COL15A1: variants seen among roughly 807,000 people sequenced by gnomAD.
COL15A1 encodes collagen alpha-1(XV) chain.
In COL15A1, 111 loss-of-function variants were observed where a neutral mutation model predicts 165.9. The observed-to-expected ratio is 0.67, with a 90% confidence interval of 0.57 to 0.78. COL15A1 has a LOEUF of 0.78. Ranked by LOEUF, COL15A1 falls within the 30% of genes least tolerant of loss-of-function variation. The pLI is 0.00. For missense variants in COL15A1, 1,745 were observed against 1,789.7 expected (o/e 0.98, Z 0.45); for synonymous variants, 659 against 674.8 (o/e 0.98, Z 0.36).
chr9:99,044,582 G>T lies in COL15A1; in HGVS notation c.2589G>T (p.Glu863Asp). The T allele has an allele frequency of 6.2e-7, 1 of 1,614,114 alleles. No homozygotes were observed. Among genetic ancestry groups the T allele is most frequent in the Non-Finnish European group, 8.5e-7 (1 of 1,180,036 alleles). Residue 863 changes from glutamate (E) to aspartate (D), a missense_variant, in exon 25 of 42, where the codon GAG becomes GAT. Physicochemically the swap from Glu to Asp is conservative, Grantham distance 45. Transcript: ENST00000375001. ...CTGAATTGCAGGGCGAGAAGGGAGA[G>T]CCGGGTGCCATCCTGACAGAGGACA... The part of the protein sequence containing the change: ...GLKGEQGEKG[E>D]PGAILTEDIP...
intron 11 of COL15A1, among the ~76,000 whole-genome samples, chr9:99,019,947 T>A (rs1382893782): frequency 6.6e-6 from 1 of 152,142 alleles, no homozygotes; most frequent in Non-Finnish European, 1.5e-5. Flanking sequence ...ACAACCACTG[T>A]CTTCAGACGG....
In COL15A1 at chr9:99,015,570, A is replaced by G. The variant is rs1183177133; in HGVS notation, c.1503+4A>G. On this transcript the variant is annotated splice_donor_region_variant and intron_variant, in intron 10 of 41. Coordinates refer to ENST00000375001, the MANE Select transcript of COL15A1 (RefSeq NM_001855.5). ...CCCTGAGCGGGCAGTCACTTCTGTAAGTGTCATCTTGTGTCCTCTCTGGCT... is the reference window on the plus strand; with the variant it reads ...CCCTGAGCGGGCAGTCACTTCTGTAGGTGTCATCTTGTGTCCTCTCTGGCT... The G allele has an allele frequency of 1.2e-6, 2 of 1,613,154 alleles. No individual in the cohort carries two copies. Among genetic ancestry groups the G allele is most frequent in the East Asian group, 2.2e-5 (1 of 44,900 alleles).
chr9:98,952,680 C>G (rs936753019), intron 2 of COL15A1, among the ~76,000 whole-genome samples: 16 of 152,202 alleles, frequency 1.1e-4, no homozygotes, highest in Non-Finnish European at 1.8e-4. Flanking sequence ...AGCCACCACA[C>G]TTGGCCAGAT....
intron 9 of COL15A1, among the ~76,000 whole-genome samples, chr9:99,008,901 C>T (rs11515536): frequency 0.14 from 20,762 of 152,232 alleles, 1,431 homozygotes; most frequent in East Asian, 0.25. Context: ...TGAGCCACTG[C>T]GCCTGGCTAC....
intron 22 of COL15A1, 111 bp from the exon 23 acceptor site, chr9:99,040,410 C>T: frequency 6.4e-7 from 1 of 1,567,968 alleles, no homozygotes; most frequent in South Asian, 1.1e-5. Flanking sequence ...TCCGTCTTCC[C>T]AGCTGTGGGA....
intron 22 of COL15A1, among the ~76,000 whole-genome samples, chr9:99,038,989 T>C (rs1839353849): frequency 6.6e-6 from 1 of 152,244 alleles, no homozygotes; most frequent in Non-Finnish European, 1.5e-5. Flanking sequence ...TAGAGAATGC[T>C]AAGTAACAAA....
intron 31 of COL15A1, among the ~76,000 whole-genome samples, chr9:99,053,655 C>T (rs757751656): frequency 1.8e-4 from 27 of 152,218 alleles, no homozygotes; most frequent in South Asian, 8.3e-4. Flanking sequence ...GGCCCCACTG[C>T]GCAGGTCATT....
chr9:98,962,930 G>A (rs1837886328), intron 2 of COL15A1, among the ~76,000 whole-genome samples: 1 of 152,214 alleles, frequency 6.6e-6, no homozygotes, highest in Non-Finnish European at 1.5e-5. Context: ...TGTACAGCAG[G>A]TGCTCAATAA....
At chr9:98,971,348 C>G (rs569170378) in intron 2 of COL15A1, among the ~76,000 whole-genome samples, 17 of 152,298 alleles carry the variant, frequency 1.1e-4, no homozygotes, top group African/African-American at 3.8e-4. Flanking sequence ...GCTGAGCCCT[C>G]CAGAGCTGCC....
At chr9:99,026,934 C>T (rs1839136320) in intron 16 of COL15A1, among the ~76,000 whole-genome samples, 1 of 152,204 alleles carries the variant, frequency 6.6e-6, no homozygotes, top group South Asian at 2.1e-4. Context: ...TAGCACAAGC[C>T]TCTATTAGTG....
At chr9:99,010,845 A>G (rs1838837243) in intron 9 of COL15A1, among the ~76,000 whole-genome samples, 2 of 152,246 alleles carry the variant, frequency 1.3e-5, no homozygotes, top group East Asian at 1.9e-4. Flanking sequence ...CATAGGAATT[A>G]TTTAGATAAA....
intron 7 of COL15A1, 61 bp downstream of exon 7, chr9:99,001,012 C>T: frequency 1.2e-6 from 1 of 820,180 alleles, no homozygotes; most frequent in Non-Finnish European, 2.1e-6. Flanking sequence ...TTATTTCAAA[C>T]TTGGTGATGA....
chr9:99,047,872 G>C (rs754735099), intron 27 of COL15A1, 33 bp downstream of exon 27: 29 of 1,612,648 alleles, frequency 1.8e-5, no homozygotes, highest in Non-Finnish European at 2.4e-5. Flanking sequence ...CAGGCTGGAG[G>C]GGGAGGACAC....
intron 6 of COL15A1, among the ~76,000 whole-genome samples, chr9:98,999,094 C>T (rs1195002838): frequency 6.6e-6 from 1 of 152,230 alleles, no homozygotes; most frequent in Admixed American, 6.5e-5. Context: ...GTGCTGGCCA[C>T]TCTTCCATCA....
At chr9:98,992,402 CG>C (rs932799826) in intron 5 of COL15A1, among the ~76,000 whole-genome samples, 1 of 152,216 alleles carries the variant, frequency 6.6e-6, no homozygotes, top group Non-Finnish European at 1.5e-5. Flanking sequence ...GCTTAGAGTG[CG>C]GGGCCCGCCG....
At chr9:98,972,484 C>T (rs1455721058) in intron 2 of COL15A1, among the ~76,000 whole-genome samples, 2 of 152,166 alleles carry the variant, frequency 1.3e-5, no homozygotes, top group African/African-American at 4.8e-5. Context: ...GGATTTGGAA[C>T]AGTAATTTAA....
chr9:98,987,174 T>A, intron 3 of COL15A1, 120 bp from the exon 4 acceptor site: 1 of 945,336 alleles, frequency 1.1e-6, no homozygotes, highest in Non-Finnish European at 1.6e-6. Context: ...CTGCAGGCTG[T>A]ACATCCTCAT....
Position 99,055,241 on chromosome 9 carries a change from TC to T in COL15A1, c.3082-19del. On this transcript the variant is annotated intron_variant, in intron 33 of 41. Coordinates refer to ENST00000375001, the MANE Select transcript of COL15A1 (RefSeq NM_001855.5). ...GTTCATCCCACTCTTACTGAAATAT[TC>T]CTGTGTTCTCTGCTTCCAGGGGGAG... The T allele has an allele frequency of 6.3e-7, 1 of 1,593,114 alleles. No individual in the cohort carries two copies. The highest frequency in any genetic ancestry group is 8.6e-7 in the Non-Finnish European group (1 of 1,160,802).
chr9:99,040,838 A>AT (rs1281839750), intron 23 of COL15A1: 1 of 475,676 alleles, frequency 2.1e-6, no homozygotes, highest in African/African-American at 1.9e-5. Flanking sequence ...AACTTTTTAC[A>AT]TTTTCTAAAG....
Sources: gnomAD v4.1 joint callset for allele counts (sites outside exome capture counted in the v4.1 genomes callset) on GRCh38, gnomAD v4.1.1 for gene constraint, MANE v1.5 for transcripts, NCBI Gene and HGNC (gene_info 2026-07-23, HGNC 2026-07-21) for gene names.